The following SYNPO2 variants were observed in gnomAD, a reference collection of about 807,000 sequenced individuals.
SYNPO2 encodes synaptopodin 2, also known as synaptopodin-2.
In SYNPO2, 56 loss-of-function variants were observed where a neutral mutation model predicts 85.0. The observed-to-expected ratio is 0.66, with a 90% confidence interval of 0.53 to 0.82. The LOEUF (loss-of-function observed/expected upper bound fraction) is 0.82, where lower values mean the gene tolerates loss of function less well. Among genes scored for constraint, SYNPO2 ranks in the 40% least tolerant of loss-of-function variants. SYNPO2 has a pLI of 0.00. For missense variants in SYNPO2, 1,575 were observed against 1,534.2 expected (o/e 1.03, Z -0.44); for synonymous variants, 602 against 591.1 (o/e 1.02, Z -0.27).
rs116220429 is a variant in SYNPO2, at chr4:119,038,878, C to T, written c.3252+6851C>T. On this transcript the variant is annotated intron_variant, in intron 4 of 4. Transcript: ENST00000307142. ...GCTTCCCAGCAAGGACACTTTTAAA[C>T]CTTACATTTTTTCCAGTGGTTTTTT... 7.7e-3 allele frequency among the ~76,000 whole-genome samples: 1,045 copies of T among 135,936 alleles called. 10 individuals carry two copies. The highest frequency in any genetic ancestry group is 0.026 in the African/African-American group (968 of 36,580). The allele number at this position is 135,936 out of a possible 152,430, so 89.2% of individuals were successfully genotyped here. A position where few individuals can be genotyped will look rare whatever the true frequency, so the allele number is the denominator to read the frequency against.
At chr4:119,013,429 T>C (rs537630137) in intron 1 of SYNPO2, among the ~76,000 whole-genome samples, 4 of 152,230 alleles carry the variant, frequency 2.6e-5, no homozygotes, top group Non-Finnish European at 5.9e-5. Flanking sequence ...TACAAAATTG[T>C]TTGAATTGCA....
chr4:119,048,808 C>A (rs1350889488), intron 4 of SYNPO2, among the ~76,000 whole-genome samples: 1 of 152,124 alleles, frequency 6.6e-6, no homozygotes, highest in Non-Finnish European at 1.5e-5. Context: ...TCAGATAATG[C>A]AAGGAGCTAG....
intron 4 of SYNPO2, chr4:119,034,788 TG>T (rs1386685422): frequency 1.4e-5 from 14 of 985,382 alleles, no homozygotes; most frequent in Non-Finnish European, 1.6e-5. Context: ...CCTTTCAGGT[TG>T]GGGCCAAGGA....
intron 1 of SYNPO2, among the ~76,000 whole-genome samples, chr4:118,864,932 A>G (rs1233875079): frequency 6.6e-6 from 1 of 152,178 alleles, no homozygotes; most frequent in Non-Finnish European, 1.5e-5. Context: ...ATTTCTATTT[A>G]TTACTGGCTC....
At chr4:118,959,102 A>T (rs553607864) in intron 1 of SYNPO2, among the ~76,000 whole-genome samples, 1 of 152,314 alleles carries the variant, frequency 6.6e-6, no homozygotes, top group East Asian at 1.9e-4. Context: ...GTAACACTCA[A>T]TCTATTATTT....
Position 119,031,694 on chromosome 4 carries a change from T to C in SYNPO2, c.2919T>C (p.Asn973=). Reference sequence around the variant, plus strand: ...TGAAGCACCAACCGTATCAGCTCAATGCATCCTTGTTTACTTTCCAACCTC... The same window carrying C: ...TGAAGCACCAACCGTATCAGCTCAACGCATCCTTGTTTACTTTCCAACCTC... ...DVMKHQPYQL[N]ASLFTFQPPD... The change falls in exon 4 of 5, where the codon AAT becomes AAC. Residue 973 remains asparagine (N), a synonymous_variant. Coordinates refer to ENST00000307142, the MANE Select transcript of SYNPO2 (RefSeq NM_133477.3). 1 of 1,614,234 alleles carries C rather than the reference T, an allele frequency of 6.2e-7. No homozygotes were observed. Among genetic ancestry groups the C allele is most frequent in the Non-Finnish European group, 8.5e-7 (1 of 1,180,050 alleles).
chr4:118,894,121 T>C (rs1340495702), intron 1 of SYNPO2, among the ~76,000 whole-genome samples: 2 of 151,806 alleles, frequency 1.3e-5, no homozygotes, highest in Non-Finnish European at 1.5e-5. Context: ...TCTGATGTTC[T>C]ATAATTGTCA....
intron 4 of SYNPO2, among the ~76,000 whole-genome samples, chr4:119,049,341 G>A (rs759806110): frequency 1.5e-4 from 23 of 152,168 alleles, no homozygotes; most frequent in Admixed American, 4.6e-4. Flanking sequence ...CAGAATCTGT[G>A]TATGATAAAG....
At chr4:118,890,733 CTGTG>C (rs112390582) in intron 1 of SYNPO2, among the ~76,000 whole-genome samples, 91 of 126,202 alleles carry the variant, frequency 7.2e-4, no homozygotes, top group African/African-American at 2.3e-3. Context: ...CTCTCTCTCT[CTGTG>C]TGTGTGTGTG....
intron 1 of SYNPO2, among the ~76,000 whole-genome samples, chr4:119,020,638 G>C (rs1054946433): frequency 1.3e-5 from 2 of 152,012 alleles, no homozygotes; most frequent in Non-Finnish European, 2.9e-5. Context: ...AAACCTCTTT[G>C]GTCCTCCAAA....
intron 1 of SYNPO2, among the ~76,000 whole-genome samples, chr4:118,914,688 A>T (rs1387623146): frequency 6.6e-6 from 1 of 152,158 alleles, no homozygotes. Context: ...GTGGAGACAT[A>T]GAGTCTAGAT....
At chr4:119,008,853 CCA>C (rs1034982368) in intron 1 of SYNPO2, among the ~76,000 whole-genome samples, 3 of 151,930 alleles carry the variant, frequency 2.0e-5, no homozygotes, top group African/African-American at 7.3e-5. Context: ...TTAGAAGATG[CCA>C]TATTATTTAC....
intron 1 of SYNPO2, among the ~76,000 whole-genome samples, chr4:118,865,742 TA>T (rs1344140705): frequency 1.3e-5 from 2 of 152,142 alleles, no homozygotes; most frequent in Admixed American, 1.3e-4. Context: ...AAAGCACGGT[TA>T]AAAAAAGTGA....
chr4:118,945,420 C>T (rs1734466011), intron 1 of SYNPO2, among the ~76,000 whole-genome samples: 1 of 152,122 alleles, frequency 6.6e-6, no homozygotes. Flanking sequence ...AAGAAAAAAA[C>T]ACACTAACTA....
intron 1 of SYNPO2, among the ~76,000 whole-genome samples, chr4:118,861,353 A>C (rs540269770): frequency 6.6e-6 from 1 of 152,110 alleles, no homozygotes; most frequent in East Asian, 1.9e-4. Context: ...TTGTATTTTT[A>C]GTAGAGGCAG....
intron 1 of SYNPO2, among the ~76,000 whole-genome samples, chr4:118,897,652 A>G (rs1351173692): frequency 2.0e-5 from 3 of 152,188 alleles, no homozygotes; most frequent in African/African-American, 7.2e-5. Context: ...AAATATAATG[A>G]CAGAACTCTG....
At chr4:118,998,550 A>G (rs1360995978) in intron 1 of SYNPO2, among the ~76,000 whole-genome samples, 1 of 152,220 alleles carries the variant, frequency 6.6e-6, no homozygotes, top group Non-Finnish European at 1.5e-5. Context: ...CCTGTTTTAA[A>G]TGAGTATTAA....
intron 1 of SYNPO2, among the ~76,000 whole-genome samples, chr4:118,890,908 G>A (rs1301968671): frequency 6.6e-6 from 1 of 152,038 alleles, no homozygotes; most frequent in Non-Finnish European, 1.5e-5. Flanking sequence ...TGAAATATGG[G>A]GACAGAGTGG....
rs550772135 is a variant in SYNPO2, at chr4:119,036,373, C to T, written c.3252+4346C>T. ...ACTGTATTCCCAGAAACATGACCCT[C>T]GCTGGTCTTGGGTCCACATATCATT... On this transcript the variant is annotated intron_variant, in intron 4 of 4. Transcript: ENST00000307142. 2.4e-5 allele frequency: 24 copies of T among 985,384 alleles called. No homozygotes were observed. In the African/African-American group the frequency reaches 3.5e-4, roughly 14 times the overall value. The allele number at this position is 985,384 out of a possible 1,614,324, so 61.0% of individuals were successfully genotyped here.
Sources: gnomAD v4.1 joint callset for allele counts (sites outside exome capture counted in the v4.1 genomes callset) on GRCh38, gnomAD v4.1.1 for gene constraint, MANE v1.5 for transcripts, NCBI Gene and HGNC (gene_info 2026-07-23, HGNC 2026-07-21) for gene names.